SHISA9: variants seen among roughly 807,000 people sequenced by gnomAD.
The protein encoded by SHISA9 is protein shisa-9.
Under a neutral mutation model 38.0 loss-of-function variants are expected in SHISA9, and 13 were observed. That is an observed-to-expected ratio of 0.34 (90% CI 0.22 to 0.54). SHISA9 has a LOEUF of 0.54. Among genes scored for constraint, SHISA9 ranks in the 20% least tolerant of loss-of-function variants. The probability of loss-of-function intolerance (pLI) is 0.91; values close to 1 mark genes in which losing one functional copy is unlikely to be tolerated. For missense variants in SHISA9, 538 were observed against 575.8 expected (o/e 0.93, Z 0.67); for synonymous variants, 275 against 242.0 (o/e 1.14, Z -1.27).
the SHISA9 span, among the ~76,000 whole-genome samples, chr16:13,430,686 A>G: frequency 6.6e-6 from 1 of 151,954 alleles, no homozygotes; most frequent in Non-Finnish European, 1.5e-5. Context: ...TAGGAGGATC[A>G]CTTGAGGCCG....
chr16:13,269,172 A>G, the SHISA9 span, among the ~76,000 whole-genome samples: 11 of 152,196 alleles, frequency 7.2e-5, no homozygotes, highest in South Asian at 2.1e-4. Context: ...AAGCTTGTCA[A>G]TGTTTGAAAG....
the SHISA9 span, among the ~76,000 whole-genome samples, chr16:13,457,792 A>G: frequency 6.6e-6 from 1 of 152,076 alleles, no homozygotes; most frequent in Admixed American, 6.5e-5. Context: ...CTGAAGGCTC[A>G]GGTAATTTAC....
chr16:13,282,436 T>G, the SHISA9 span, among the ~76,000 whole-genome samples: 6 of 152,052 alleles, frequency 3.9e-5, no homozygotes, highest in African/African-American at 1.2e-4. Flanking sequence ...TTTTTGTCTT[T>G]TGTTTTCTAC....
chr16:13,467,133 G>A, the SHISA9 span, among the ~76,000 whole-genome samples: 1 of 152,268 alleles, frequency 6.6e-6, no homozygotes, highest in South Asian at 2.1e-4. Flanking sequence ...TGCCTAGATG[G>A]ATGGTGAAGC....
intron 2 of SHISA9, among the ~76,000 whole-genome samples, chr16:13,152,558 A>G (rs2050508716): frequency 6.6e-6 from 1 of 152,190 alleles, no homozygotes; most frequent in Non-Finnish European, 1.5e-5. Context: ...TGTCACTGAA[A>G]TGATTGGATG....
rs1353157692 is a variant in SHISA9, at chr16:12,959,840, T to C, written c.691+43025T>C. ...TGCCCTCGCCTTTCAGCCAACAGTT[T>C]CCGCACTCTACATATGAGTTTGGGG... On this transcript the variant is annotated intron_variant, in intron 2 of 4. Coordinates refer to ENST00000558583, the MANE Select transcript of SHISA9 (RefSeq NM_001145204.3). 2.0e-5 allele frequency among the ~76,000 whole-genome samples: 3 copies of C among 152,208 alleles called. No individual in the cohort carries two copies. The East Asian group carries it at 5.8e-4, about 29-fold the overall frequency.
chr16:13,506,630 A>G, the SHISA9 span, among the ~76,000 whole-genome samples: 1 of 152,186 alleles, frequency 6.6e-6, no homozygotes, highest in South Asian at 2.1e-4. Context: ...TGTTTAAGCA[A>G]AAACAAAGAG....
chr16:13,178,406 C>T (rs1303714995), intron 2 of SHISA9, among the ~76,000 whole-genome samples: 2 of 151,828 alleles, frequency 1.3e-5, no homozygotes, highest in Non-Finnish European at 1.5e-5. Flanking sequence ...CTACTATCTC[C>T]TGACGATGCT....
At chr16:13,315,732 G>A in the SHISA9 span, among the ~76,000 whole-genome samples, 1 of 152,124 alleles carries the variant, frequency 6.6e-6, no homozygotes, top group Admixed American at 6.5e-5. Flanking sequence ...GCATAATATA[G>A]TTAGCTATTA....
At position 12,916,746 on chromosome 16, in the gene SHISA9, G is replaced by A. The variant is rs1156725578; in HGVS notation, c.622G>A (p.Asp208Asn). 2 of 1,552,140 alleles carry A rather than the reference G, an allele frequency of 1.3e-6. No individual in the cohort carries two copies. Among genetic ancestry groups the A allele is most frequent in the Non-Finnish European group, 8.7e-7 (1 of 1,147,100 alleles). Residue 208 changes from aspartate (D) to asparagine (N), a missense_variant, in exon 2 of 5, where the codon GAC (aspartate) becomes AAC (asparagine). Physicochemically the swap from Asp to Asn is conservative, Grantham distance 23. This residue lies in a region of SHISA9 where 326 missense variants were observed against 305.9 expected (regional missense o/e 1.07). Coordinates refer to ENST00000558583, the MANE Select transcript of SHISA9 (RefSeq NM_001145204.3). ...CTGCAACACTGATCACATGGAGAGA[G>A]ACCTAAACATCGTTGTCCACGTCCA... is the stretch of plus-strand genomic sequence containing the variant. The part of the protein sequence containing the change: ...GHCNTDHMER[D>N]LNIVVHVQHY...
At chr16:13,106,764 A>G (rs1295331114) in intron 2 of SHISA9, among the ~76,000 whole-genome samples, 1 of 152,166 alleles carries the variant, frequency 6.6e-6, no homozygotes, top group African/African-American at 2.4e-5. Flanking sequence ...GTGGCAAATT[A>G]CATCCTTCTG....
In SHISA9 at chr16:13,032,608, C is replaced by T. The variant is rs571909103; in HGVS notation, c.691+115793C>T. On this transcript the variant is annotated intron_variant, in intron 2 of 4. Transcript: ENST00000558583. ...TGTATGTTGTACTATAGCAGCAGAACTGACTGTGTAATGAAGTAAAGTGCC... is the reference window on the plus strand; with the variant it reads ...TGTATGTTGTACTATAGCAGCAGAATTGACTGTGTAATGAAGTAAAGTGCC... Among the ~76,000 whole-genome samples the T allele has an allele frequency of 1.6e-4, 25 of 152,312 alleles. No individual in the cohort carries two copies. In the South Asian group the frequency reaches 5.2e-3, roughly 32 times the overall value.
intron 2 of SHISA9, among the ~76,000 whole-genome samples, chr16:12,967,302 G>T (rs950221580): frequency 6.6e-6 from 1 of 152,064 alleles, no homozygotes; most frequent in Non-Finnish European, 1.5e-5. Flanking sequence ...AGCAAACTAT[G>T]GCAAGGACAA....
the SHISA9 span, among the ~76,000 whole-genome samples, chr16:13,277,374 C>T: frequency 1.3e-5 from 2 of 151,900 alleles, no homozygotes; most frequent in Admixed American, 1.3e-4. Flanking sequence ...GTTCTTTTTG[C>T]TTAGTCTTGC....
At chr16:13,155,238 A>C (rs1248017565) in intron 2 of SHISA9, among the ~76,000 whole-genome samples, 1 of 152,152 alleles carries the variant, frequency 6.6e-6, no homozygotes, top group Non-Finnish European at 1.5e-5. Flanking sequence ...AGAATGCAAT[A>C]GATTGGAGTG....
intron 2 of SHISA9, among the ~76,000 whole-genome samples, chr16:12,978,122 G>A (rs2072189339): frequency 6.6e-6 from 1 of 152,156 alleles, no homozygotes; most frequent in African/African-American, 2.4e-5. Context: ...ACTTGGAAAT[G>A]GGCAGATGAC....
chr16:12,920,178 C>T (rs9924696), intron 2 of SHISA9, among the ~76,000 whole-genome samples: 25 of 129,244 alleles, frequency 1.9e-4, no homozygotes, highest in African/African-American at 5.5e-4. Context: ...GTCGTGGGTA[C>T]GGGGAGGGGG....
chr16:13,045,710 G>C (rs1167700685), intron 2 of SHISA9, among the ~76,000 whole-genome samples: 1 of 152,014 alleles, frequency 6.6e-6, no homozygotes, highest in Non-Finnish European at 1.5e-5. Flanking sequence ...AATAAAGCTG[G>C]ATCATGGAAA....
chr16:13,301,156 C>T, the SHISA9 span, among the ~76,000 whole-genome samples: 1 of 152,126 alleles, frequency 6.6e-6, no homozygotes, highest in Non-Finnish European at 1.5e-5. Flanking sequence ...TGGTGCCGAC[C>T]ATCTCACCAG....
Sources: gnomAD v4.1 joint callset for allele counts (sites outside exome capture counted in the v4.1 genomes callset) on GRCh38, gnomAD v4.1.1 for gene constraint, gnomAD v4.1.1 regional missense constraint, MANE v1.5 for transcripts, NCBI Gene and HGNC (gene_info 2026-07-23, HGNC 2026-07-21) for gene names.